Variants in RBFA observed in about 807,000 individuals in gnomAD.
RBFA encodes the protein ribosome binding factor A, also known as putative ribosome-binding factor A, mitochondrial.
RBFA carries 16 observed loss-of-function variants against 27.9 expected under a neutral mutation model. That is an observed-to-expected ratio of 0.57 (90% CI 0.39 to 0.87). The LOEUF is 0.87. Among genes scored for constraint, RBFA ranks in the 40% least tolerant of loss-of-function variants. The pLI is 0.00. For synonymous variants in RBFA, 181 were observed against 181.0 expected (o/e 1.00, Z 0.00); for missense variants, 456 against 432.1 (o/e 1.06, Z -0.49).
intron 4 of RBFA, 67 bp downstream of exon 4, chr18:80,038,684 C>G: frequency 1.7e-6 from 2 of 1,167,078 alleles, no homozygotes; most frequent in Non-Finnish European, 2.5e-6. Flanking sequence ...AGCTGTTTCA[C>G]TTGTAGGTGG....
chr18:80,037,601 C>A, intron 3 of RBFA, 95 bp downstream of exon 3: 3 of 1,212,536 alleles, frequency 2.5e-6, no homozygotes, highest in Non-Finnish European at 3.5e-6. Context: ...TAAAAAAAGA[C>A]GCTTTAGACT....
At position 80,046,616 on chromosome 18, in the gene RBFA, G is replaced by A. The variant is rs2052056670; in HGVS notation, c.*461G>A. On this transcript the variant is annotated 3_prime_UTR_variant, in exon 7 of 7. Coordinates refer to ENST00000306735, the MANE Select transcript of RBFA (RefSeq NM_024805.3). ...CTGCTGGGCTGGCACGTGGCGCCGGGGGCTCCATCCCTGGGGCTGCTGGGT... is the reference window on the plus strand; with the variant it reads ...CTGCTGGGCTGGCACGTGGCGCCGGAGGCTCCATCCCTGGGGCTGCTGGGT... Among the ~76,000 whole-genome samples, 1 of 152,138 alleles carries A rather than the reference G, an allele frequency of 6.6e-6. No individual in the cohort carries two copies. The highest frequency in any genetic ancestry group is 2.1e-4 in the South Asian group (1 of 4,828).
At chr18:80,034,773 C>T (rs2051964451) in intron 1 of RBFA, 120 bp downstream of exon 1, 3 of 1,251,252 alleles carry the variant, frequency 2.4e-6, no homozygotes, top group South Asian at 1.4e-5. Flanking sequence ...CAGTTCCTGC[C>T]TCCTGGGGTC....
At chr18:80,035,065 A>G in intron 1 of RBFA, 1 of 198,354 alleles carries the variant, frequency 5.0e-6, no homozygotes, top group South Asian at 6.8e-5. Context: ...GACTTTTCAC[A>G]CTGCTTTTAG....
rs772705168 is a variant in RBFA at position 80,044,196 on chromosome 18, CTG to C, written c.577-12_577-11del. 6.2e-7 allele frequency: 1 copy of C among 1,612,878 alleles called. No homozygotes were observed. The highest frequency in any genetic ancestry group is 1.7e-5 in the Admixed American group (1 of 60,024). On this transcript the variant is annotated splice_polypyrimidine_tract_variant and intron_variant, in intron 5 of 6. Coordinates refer to ENST00000306735, the MANE Select transcript of RBFA (RefSeq NM_024805.3). ...GGGATGTGGCTAACGGGTTTACCCT[CTG>C]TGTTCCTCTGTAGCTTGATCAGTTA...
intron 5 of RBFA, among the ~76,000 whole-genome samples, chr18:80,042,666 G>C (rs1290262631): frequency 6.6e-6 from 1 of 152,012 alleles, no homozygotes; most frequent in Non-Finnish European, 1.5e-5. Context: ...AGCTGCTCGG[G>C]AGGCTGAGGC....
At chr18:80,042,032 T>G in intron 4 of RBFA, 103 bp from the exon 5 acceptor site, 1 of 791,356 alleles carries the variant, frequency 1.3e-6, no homozygotes, top group Non-Finnish European at 1.9e-6. Flanking sequence ...GGCCTCTCAC[T>G]CCTGCCTCTT....
At chr18:80,042,655 C>T (rs2052024179) in intron 5 of RBFA, among the ~76,000 whole-genome samples, 1 of 151,942 alleles carries the variant, frequency 6.6e-6, no homozygotes, top group African/African-American at 2.4e-5. Context: ...CCCGTAGTCT[C>T]AGCTGCTCGG....
rs1033630692 is a variant in RBFA, at chr18:80,047,110, T to C, written c.*955T>C. ...GGTTCTGCACTACGAGTCAGTGTCA[T>C]CCCTCCAAGCCCTGGCTCTCTGCCA... On this transcript the variant is annotated 3_prime_UTR_variant, in exon 7 of 7. Transcript: ENST00000306735. The C allele has an allele frequency of 2.6e-5, 4 of 152,258 alleles. No homozygotes were observed. Among genetic ancestry groups the C allele is most frequent in the African/African-American group, 9.6e-5 (4 of 41,460 alleles). The allele number at this position is 152,258 out of a possible 1,614,324, so 9.4% of individuals were successfully genotyped here.
chr18:80,041,030 C>G (rs929120220), intron 4 of RBFA, among the ~76,000 whole-genome samples: 1 of 152,144 alleles, frequency 6.6e-6, no homozygotes, highest in Admixed American at 6.6e-5. Context: ...TCATCATGCC[C>G]CATGTTTAGG....
Position 80,037,461 on chromosome 18 carries a change from T to C in RBFA, c.333T>C (p.Pro111=). The change falls in exon 3 of 7, where the codon CCT becomes CCC. Residue 111 remains proline (P), a synonymous_variant. Coordinates refer to ENST00000306735, the MANE Select transcript of RBFA (RefSeq NM_024805.3). The stretch of plus-strand genomic sequence containing the variant: ...CACTGACAGACCTGCTGTGTACCCC[T>C]GAAGTGAGTCAGGAGCTGTATGACC... ...YKALTDLLCT[P]EVSQELYDLN... The C allele has an allele frequency of 6.2e-7, 1 of 1,614,062 alleles. No individual in the cohort carries two copies. Among genetic ancestry groups the C allele is most frequent in the Non-Finnish European group, 8.5e-7 (1 of 1,179,962 alleles).
intron 5 of RBFA, among the ~76,000 whole-genome samples, chr18:80,042,897 G>C (rs1244288586): frequency 6.6e-6 from 1 of 152,138 alleles, no homozygotes; most frequent in African/African-American, 2.4e-5. Context: ...AGTAGTTGCT[G>C]TTTCTGGTTT....
At position 80,049,529 on chromosome 18, in the gene RBFA, G is replaced by A. The variant is rs935082012; in HGVS notation, c.*3374G>A. Among the ~76,000 whole-genome samples the A allele has an allele frequency of 2.6e-4, 40 of 152,352 alleles. No homozygotes were observed. The highest frequency in any genetic ancestry group is 9.1e-4 in the African/African-American group (38 of 41,580). ...GAGCTTTTTACAAGTACCTGTCACT[G>A]TTAAACTGCTGATGAAATGTGAAAC... On this transcript the variant is annotated 3_prime_UTR_variant, in exon 7 of 7. Transcript: ENST00000306735.
chr18:80,045,774 G>A lies in RBFA; in HGVS notation c.651G>A (p.Arg217=), dbSNP rs865953048. 6.6e-6 allele frequency: 10 copies of A among 1,511,300 alleles called. No individual in the cohort carries two copies. The highest frequency in any genetic ancestry group is 8.0e-6 in the Non-Finnish European group (9 of 1,130,612). 93.6% of individuals were successfully genotyped at this position (1,511,300 alleles called of 1,614,324 possible). The change falls in exon 7 of 7, where the codon AGG becomes AGA. Residue 217 remains arginine, a splice_region_variant and synonymous_variant. Transcript: ENST00000306735. ...TGTGAAGCCTCTTCTTCCTTCCCAGGGACCCTGATGCCCCACAACCCTGCG... is the reference window on the plus strand; with the variant it reads ...TGTGAAGCCTCTTCTTCCTTCCCAGAGACCCTGATGCCCCACAACCCTGCG... The part of the protein sequence containing the change: ...ERDNFVQNDF[R]DPDAPQPCGT...
In RBFA at chr18:80,046,125, T is replaced by C. The variant is rs1233391989; in HGVS notation, c.1002T>C (p.Asp334=). 6.2e-7 allele frequency: 1 copy of C among 1,614,048 alleles called. No homozygotes were observed. The highest frequency in any genetic ancestry group is 1.3e-5 in the African/African-American group (1 of 75,026). The part of the protein sequence containing the change: ...EAERGGGRTE[D]GHSCGASRE ...AGAGAGGAGGTGGCAGAACAGAGGATGGCCACAGCTGCGGAGCAAGCAGGG... is the reference window on the plus strand; with the variant it reads ...AGAGAGGAGGTGGCAGAACAGAGGACGGCCACAGCTGCGGAGCAAGCAGGG... Residue 334 remains aspartate (D), a synonymous_variant, in exon 7 of 7, where the codon GAT becomes GAC. Coordinates refer to ENST00000306735, the MANE Select transcript of RBFA (RefSeq NM_024805.3).
rs769762932 is a variant in RBFA, at chr18:80,045,972, G to T, written c.849G>T (p.Lys283Asn). The T allele has an allele frequency of 9.9e-6, 16 of 1,614,060 alleles. No individual in the cohort carries two copies. Among genetic ancestry groups the T allele is most frequent in the East Asian group, 2.2e-5 (1 of 44,892 alleles). ...TGAAAAAGGGAAGGAAGAGGGCCAA[G>T]CCCCGCCTGGAGCAGGACAGCTCCC... ...TQMKKGRKRA[K>N]PRLEQDSSLK... Residue 283 changes from lysine (K) to asparagine (N), a missense_variant, in exon 7 of 7, where the codon AAG becomes AAT. By Grantham distance (94) the Lys-to-Asn change is moderately conservative (BLOSUM62 0). Coordinates refer to ENST00000306735, the MANE Select transcript of RBFA (RefSeq NM_024805.3).
chr18:80,034,906 C>A, intron 1 of RBFA: 1 of 439,998 alleles, frequency 2.3e-6, no homozygotes, highest in Non-Finnish European at 4.0e-6. Context: ...ACGTATTTTT[C>A]AGAAGATTAG....
Position 80,046,137 on chromosome 18 carries a change from C to T in RBFA, c.1014C>T (p.Cys338=), listed in dbSNP as rs145186018. ...GGGRTEDGHS[C]GASRE is the part of the protein sequence containing the mutation. Reference sequence around the variant, plus strand: ...GCAGAACAGAGGATGGCCACAGCTGCGGAGCAAGCAGGGAGTAGATGGAGA... The same window carrying T: ...GCAGAACAGAGGATGGCCACAGCTGTGGAGCAAGCAGGGAGTAGATGGAGA... Residue 338 remains cysteine, a synonymous_variant, in exon 7 of 7, where the codon TGC becomes TGT. Transcript: ENST00000306735. The T allele has an allele frequency of 1.9e-4, 309 of 1,613,872 alleles. 3 individuals carry two copies. The Middle Eastern group carries it at 7.8e-3, about 41-fold the overall frequency.
rs74892928 is a variant in RBFA, at chr18:80,036,593, C to T, written c.159-75C>T. 8.7e-3 allele frequency: 9,825 copies of T among 1,126,592 alleles called. 80 individuals carry two copies. The highest frequency in any genetic ancestry group is 0.011 in the Non-Finnish European group (8,384 of 743,840). The allele number at this position is 1,126,592 out of a possible 1,614,324, so 69.8% of individuals were successfully genotyped here. A position where few individuals can be genotyped will look rare whatever the true frequency, so the allele number is the denominator to read the frequency against. On this transcript the variant is annotated intron_variant, in intron 1 of 6. Coordinates refer to ENST00000306735, the MANE Select transcript of RBFA (RefSeq NM_024805.3). ...AGCCCCCTATAAACAGTTATGGTAT[C>T]ATAACCTCTTAAATTAGCTTATGTA...
Sources: gnomAD v4.1 joint callset for allele counts (sites outside exome capture counted in the v4.1 genomes callset) on GRCh38, gnomAD v4.1.1 for gene constraint, MANE v1.5 for transcripts, NCBI Gene and HGNC (gene_info 2026-07-23, HGNC 2026-07-21) for gene names.